Variants in CYP2D6 observed in about 807,000 individuals in gnomAD.
The protein encoded by CYP2D6 is cytochrome P450 2D6.
A neutral mutation model predicts 43.5 loss-of-function variants in CYP2D6; 51 were observed. That is an observed-to-expected ratio of 1.17 (90% confidence interval 0.94 to 1.48). CYP2D6 has a LOEUF of 1.48. Ranked by LOEUF, CYP2D6 falls within the 40% of genes most tolerant of loss-of-function variation. CYP2D6 has a pLI of 0.00. For missense variants in CYP2D6, 698 were observed against 688.0 expected (o/e 1.01, Z -0.16); for synonymous variants, 346 against 297.1 (o/e 1.16, Z -1.69).
intron 1 of CYP2D6, 132 bp downstream of exon 1, chr22:42,130,480 G>A: frequency 9.5e-7 from 1 of 1,049,112 alleles, no homozygotes; most frequent in South Asian, 1.4e-5. Context: ...CCTTCTCCAG[G>A]ACGTCCCCCA....
chr22:42,129,674 CG>C, intron 2 of CYP2D6, 63 bp downstream of exon 2: 1 of 1,594,252 alleles, frequency 6.3e-7, no homozygotes, highest in Non-Finnish European at 8.6e-7. Flanking sequence ...CTGCCCAGCT[CG>C]GACTACGGTC....
intron 4 of CYP2D6, 91 bp downstream of exon 4, chr22:42,128,693 A>G (rs1931407560): frequency 2.8e-6 from 4 of 1,445,446 alleles, no homozygotes; most frequent in South Asian, 2.4e-5. Context: ...AAACCCATCT[A>G]TGCAAATCCT....
Position 42,128,849 on chromosome 22 carries a change from G to C in CYP2D6, c.601C>G (p.Arg201Gly), listed in dbSNP as rs774982812. ...CGRRFEYDDP[R>G]FLRLLDLAQE... ...GCTAGGTCCAGCAGCCTGAGGAAGC[G>C]AGGGTCGTCGTACTCGAAGCGGCGC... Residue 201 changes from arginine (R) to glycine (G), a missense_variant, in exon 4 of 9, where the codon CGC becomes GGC. Transcript: ENST00000645361. 7 of 1,606,010 alleles carry C rather than the reference G, an allele frequency of 4.4e-6. 1 individual carries two copies. In the African/African-American group the frequency reaches 8.1e-5, roughly 19 times the overall value.
At position 42,127,855 on chromosome 22, in the gene CYP2D6, A is replaced by C; in HGVS notation, c.972T>G (p.His324Gln). 1 of 1,610,660 alleles carries C rather than the reference A, an allele frequency of 6.2e-7. No homozygotes were observed. The highest frequency in any genetic ancestry group is 8.5e-7 in the Non-Finnish European group (1 of 1,178,040). Reference protein sequence around the residue: ...LAWGLLLMILHPDVQRRVQQE... With the variant: ...LAWGLLLMILQPDVQRRVQQE... ...AGATGGGCTCACGCTGCACATCCGG[A>C]TGTAGGATCATGAGCAGGAGGCCCC... Residue 324 changes from histidine (H) to glutamine (Q), a missense_variant, in exon 6 of 9, where the codon CAT becomes CAG. His to Gln is a conservative substitution (Grantham distance 24). Around this residue, in one of 5 missense-constraint regions of CYP2D6, gnomAD observed 588 missense variants for 521.1 expected, o/e 1.13. Coordinates refer to ENST00000645361, the MANE Select transcript of CYP2D6 (RefSeq NM_000106.6).
chr22:42,127,605 T>G lies in CYP2D6; in HGVS notation c.1015A>C (p.Ile339Leu), dbSNP rs141824015. ...RRVQQEIDDV[I>L]GQVRRPEMGD... ...ATCTCTGGTCGCCGCACCTGCCCTATCACGTCGTCGATCTCCTGTTGGACA... is the reference window on the plus strand; with the variant it reads ...ATCTCTGGTCGCCGCACCTGCCCTAGCACGTCGTCGATCTCCTGTTGGACA... The change falls in exon 7 of 9, where the codon ATA becomes CTA. Residue 339 changes from isoleucine to leucine, a missense_variant. Physicochemically the swap from Ile to Leu is conservative, Grantham distance 5. This residue lies in a region of CYP2D6 where 588 missense variants were observed against 521.1 expected (regional missense o/e 1.13). Coordinates refer to ENST00000645361, the MANE Select transcript of CYP2D6 (RefSeq NM_000106.6). 64 of 1,611,808 alleles carry G rather than the reference T, an allele frequency of 4.0e-5. No homozygotes were observed. In the African/African-American group the frequency reaches 7.1e-4, roughly 18 times the overall value.
At position 42,126,559 on chromosome 22, in the gene CYP2D6, A is replaced by C. The variant is rs1252998354; in HGVS notation, c.*15T>G. 1 of 1,556,912 alleles carries C rather than the reference A, an allele frequency of 6.4e-7. No individual in the cohort carries two copies. Among genetic ancestry groups the C allele is most frequent in the African/African-American group, 1.4e-5 (1 of 71,968 alleles). ...CCTCTGGCTAGGGAGCAGGCTGGGGACTAGGTACCCCATTCTAGCGGGGCA... is the reference window on the plus strand; with the variant it reads ...CCTCTGGCTAGGGAGCAGGCTGGGGCCTAGGTACCCCATTCTAGCGGGGCA... On this transcript the variant is annotated 3_prime_UTR_variant, in exon 9 of 9. Coordinates refer to ENST00000645361, the MANE Select transcript of CYP2D6 (RefSeq NM_000106.6).
intron 4 of CYP2D6, 121 bp from the exon 5 acceptor site, chr22:42,128,471 C>T (rs1375256614): frequency 1.7e-6 from 2 of 1,179,462 alleles, no homozygotes; most frequent in Non-Finnish European, 2.5e-6. Context: ...CTGACCTCAC[C>T]AAGTCCCTCC....
intron 2 of CYP2D6, 190 bp from the exon 3 acceptor site, chr22:42,129,375 G>A (rs1362845282): frequency 1.1e-6 from 1 of 895,044 alleles, no homozygotes; most frequent in South Asian, 1.4e-5. Context: ...CCTCGTCTCT[G>A]CCCACCCTGA....
intron 4 of CYP2D6, 121 bp from the exon 5 acceptor site, chr22:42,128,471 CA>C (rs1194055940): frequency 5.9e-6 from 7 of 1,179,462 alleles, no homozygotes; most frequent in Non-Finnish European, 8.8e-6. Context: ...CTGACCTCAC[CA>C]AGTCCCTCCC....
intron 7 of CYP2D6, 61 bp from the exon 8 acceptor site, chr22:42,127,053 A>T (rs1476100761): frequency 6.5e-7 from 1 of 1,543,394 alleles, no homozygotes; most frequent in Non-Finnish European, 8.8e-7. Flanking sequence ...GACCCCTGCC[A>T]CCAAACACAC....
In CYP2D6 at chr22:42,126,682, C is replaced by G. The variant is rs138229048; in HGVS notation, c.1386G>C (p.Gln462His). The change falls in exon 9 of 9, where the codon CAG (glutamine) becomes CAC (histidine). Residue 462 changes from glutamine (Q) to histidine (H), a missense_variant. Coordinates refer to ENST00000645361, the MANE Select transcript of CYP2D6 (RefSeq NM_000106.6). ...CAGTGGGCACCGAGAAGCTGAAGTG[C>G]TGCAGCAGGGAGGTGAAGAAGAGGA... ...ELFLFFTSLLQHFSFSVPTGQ... is the reference protein window; with the variant it reads ...ELFLFFTSLLHHFSFSVPTGQ... 3.1e-4 allele frequency: 494 copies of G among 1,602,978 alleles called. 22 individuals carry two copies. The highest frequency in any genetic ancestry group is 4.1e-4 in the Non-Finnish European group (482 of 1,174,954).
rs1046791114 is a variant in CYP2D6, at chr22:42,129,461, G to A, written c.353-276C>T. 6.6e-4 allele frequency: 480 copies of A among 728,330 alleles called. 6 individuals carry two copies. Among genetic ancestry groups the A allele is most frequent in the Non-Finnish European group, 1.4e-4 (57 of 418,174 alleles). The allele number at this position is 728,330 out of a possible 1,614,324, so 45.1% of individuals were successfully genotyped here. On this transcript the variant is annotated intron_variant, in intron 2 of 8. Coordinates refer to ENST00000645361, the MANE Select transcript of CYP2D6 (RefSeq NM_000106.6). Reference sequence around the variant, plus strand: ...AGCTTACAGCACAGGTGCGGTCCCCGCCCCCCACTTCGACACCGGATTCCA... The same window carrying A: ...AGCTTACAGCACAGGTGCGGTCCCCACCCCCCACTTCGACACCGGATTCCA...
rs1602582928 is a variant in CYP2D6, at chr22:42,129,517, G to C, written c.352+221C>G. The C allele has an allele frequency of 4.1e-6, 3 of 739,944 alleles. No homozygotes were observed. In the Admixed American group the frequency reaches 6.5e-5, roughly 16 times the overall value. The allele number at this position is 739,944 out of a possible 1,614,324, so 45.8% of individuals were successfully genotyped here. On this transcript the variant is annotated intron_variant, in intron 2 of 8. Coordinates refer to ENST00000645361, the MANE Select transcript of CYP2D6 (RefSeq NM_000106.6). ...GAAATGCGCCAGCCTCACCCATTGG[G>C]CTCCTGCCAGGTCTCGGCAGTGGCC...
At position 42,128,764 on chromosome 22, in the gene CYP2D6, C is replaced by G. The variant is rs551689023; in HGVS notation, c.666+20G>C. On this transcript the variant is annotated intron_variant, in intron 4 of 8. Transcript: ENST00000645361. ...TCGGGAGCTCGCCCTGCAGAGACTC[C>G]TCGGTCTCTCGCTCCGCACCTCGCG... 1 of 1,597,488 alleles carries G rather than the reference C, an allele frequency of 6.3e-7. No individual in the cohort carries two copies. The highest frequency in any genetic ancestry group is 1.4e-5 in the African/African-American group (1 of 73,312).
intron 1 of CYP2D6, 48 bp from the exon 2 acceptor site, chr22:42,129,957 A>G: frequency 6.8e-7 from 1 of 1,481,004 alleles, no homozygotes; most frequent in South Asian, 1.2e-5. Context: ...ATCACCCCAG[A>G]CTACAGGTCC....
At chr22:42,128,048 C>T in intron 5 of CYP2D6, 65 bp from the exon 6 acceptor site, 2 of 1,606,310 alleles carry the variant, frequency 1.2e-6, no homozygotes, top group Non-Finnish European at 1.7e-6. Context: ...TCCAATTCTG[C>T]ACCTGTCAGC....
Position 42,128,317 on chromosome 22 carries a change from G to A in CYP2D6, c.700C>T (p.Pro234Ser). Residue 234 changes from proline to serine, a missense_variant, in exon 5 of 9, where the codon CCA becomes TCA. This residue lies in a region of CYP2D6 where 588 missense variants were observed against 521.1 expected (regional missense o/e 1.13). Coordinates refer to ENST00000645361, the MANE Select transcript of CYP2D6 (RefSeq NM_000106.6). ...CGTAGGACCTTGCCAGCCAGCGCTG[G>A]GATATGCAGGAGGACGGGGACAGCA... ...LNAVPVLLHIPALAGKVLRFQ... is the reference protein window; with the variant it reads ...LNAVPVLLHISALAGKVLRFQ... The A allele has an allele frequency of 1.2e-6, 2 of 1,610,536 alleles. No homozygotes were observed. Among genetic ancestry groups the A allele is most frequent in the South Asian group, 1.1e-5 (1 of 90,880 alleles).
intron 2 of CYP2D6, chr22:42,129,502 A>T: frequency 1.4e-6 from 1 of 721,402 alleles, no homozygotes; most frequent in Middle Eastern, 2.3e-4. Flanking sequence ...GAAATGCGCC[A>T]GCCTCACCCA....
rs1414497304 is a variant in CYP2D6 at position 42,128,374 on chromosome 22, C to T, written c.667-24G>A. ...ACCTACACCAGACAGAACGGGGTCT[C>T]AATCCCTCCTGTGCTCTGCGTTCAC... On this transcript the variant is annotated intron_variant, in intron 4 of 8. Transcript: ENST00000645361. The T allele has an allele frequency of 4.4e-6, 7 of 1,607,352 alleles. 1 individual carries two copies. The African/African-American group carries it at 5.4e-5, about 12-fold the overall frequency.
Sources: gnomAD v4.1 joint callset for allele counts on GRCh38, gnomAD v4.1.1 for gene constraint, gnomAD v4.1.1 regional missense constraint, MANE v1.5 for transcripts, NCBI Gene and HGNC (gene_info 2026-07-23, HGNC 2026-07-21) for gene names.